Variants in MACF1 observed in about 807,000 individuals in gnomAD.
MACF1 encodes microtubule actin crosslinking factor 1.
A neutral mutation model predicts 854.8 loss-of-function variants in MACF1; 193 were observed. That is an observed-to-expected ratio of 0.23 (90% CI 0.20 to 0.25). MACF1 has a LOEUF of 0.25. MACF1 is among the 10% of genes least tolerant of loss of function. The probability of loss-of-function intolerance (pLI) is 1.00; values close to 1 mark genes in which losing one functional copy is unlikely to be tolerated. For missense variants in MACF1, 7,722 were observed against 8,929.1 expected, an observed-to-expected ratio of 0.86 and a Z score of 5.45; for synonymous variants, 3,185 against 3,226.7, an observed-to-expected ratio of 0.99 and a Z score of 0.44.
At chr1:39,244,988 C>G (rs189383383) in intron 2 of MACF1, among the ~76,000 whole-genome samples, 1 of 152,290 alleles carries the variant, frequency 6.6e-6, no homozygotes, top group Admixed American at 6.5e-5. Context: ...GATGGGATTA[C>G]AGGCATGAGC....
chr1:39,317,601 C>A (rs1460958834), intron 29 of MACF1, among the ~76,000 whole-genome samples, 194 bp downstream of exon 29: 2 of 152,176 alleles, frequency 1.3e-5, no homozygotes, highest in African/African-American at 4.8e-5. Flanking sequence ...AGATGTAATG[C>A]CTCTCCTGTG....
chr1:39,286,956 T>TTTATTA (rs1557564527), intron 14 of MACF1, among the ~76,000 whole-genome samples: 2 of 151,752 alleles, frequency 1.3e-5, no homozygotes, highest in Non-Finnish European at 2.9e-5. Context: ...CATTTTTATT[T>TTTATTA]TTATTTTTAT....
At chr1:39,306,407 C>T (rs779274050) in intron 23 of MACF1, among the ~76,000 whole-genome samples, 5 of 151,952 alleles carry the variant, frequency 3.3e-5, no homozygotes, top group East Asian at 1.9e-4. Flanking sequence ...GGATTACAGG[C>T]GTGAGCCACT....
In MACF1 at chr1:39,335,943, G is replaced by A. The variant is rs1472262308; in HGVS notation, c.9355G>A (p.Gly3119Arg). 1 of 1,613,960 alleles carries A rather than the reference G, an allele frequency of 6.2e-7. No homozygotes were observed. Among genetic ancestry groups the A allele is most frequent in the Non-Finnish European group, 8.5e-7 (1 of 1,180,016 alleles). Residue 3119 changes from glycine to arginine, a missense_variant, in exon 37 of 101, where the codon GGA (glycine) becomes AGA (arginine). Physicochemically the swap from Gly to Arg is moderately radical, Grantham distance 125. Transcript: ENST00000564288. Reference sequence around the variant, plus strand: ...AGGATTGCACTACCAGGAATCAGATGGAAAAGCCCAAGTGACAGGCCCATC... The same window carrying A: ...AGGATTGCACTACCAGGAATCAGATAGAAAAGCCCAAGTGACAGGCCCATC... ...PEGLHYQESD[G>R]KAQVTGPSQI...
Position 39,461,884 on chromosome 1 carries a change from G to A in MACF1, c.21525G>A (p.Lys7175=), listed in dbSNP as rs1198417183. Reference sequence around the variant, plus strand: ...CAAAATATGATTCCTTTTCTCCAGAGTTCCCCACCACCAAGTTAGAGATGA... The same window carrying A: ...CAAAATATGATTCCTTTTCTCCAGAATTCCCCACCACCAAGTTAGAGATGA... The part of the protein sequence containing the change: ...QEFIDGILAS[K]FPTTKLEMTA... Residue 7175 remains lysine (K), a splice_region_variant and synonymous_variant, in exon 93 of 101, where the codon AAG becomes AAA. Transcript: ENST00000564288. 1.2e-6 allele frequency: 2 copies of A among 1,605,898 alleles called. No individual in the cohort carries two copies. The highest frequency in any genetic ancestry group is 2.2e-5 in the South Asian group (2 of 90,668).
intron 2 of MACF1, chr1:39,102,695 TCCA>T: frequency 1.4e-6 from 1 of 693,864 alleles, no homozygotes; most frequent in Non-Finnish European, 2.6e-6. Flanking sequence ...ACTCTTCTCT[TCCA>T]CTAGATGCCC....
chr1:39,194,341 CTTTTCTTTTCT>C (rs751675188), intron 2 of MACF1, among the ~76,000 whole-genome samples: 1,970 of 69,944 alleles, frequency 0.028, 28 homozygotes, highest in African/African-American at 0.098. Context: ...CTTTTCTTTT[CTTTTCTTTTCT>C]TTTTTTTTTT....
intron 2 of MACF1, among the ~76,000 whole-genome samples, chr1:39,139,182 T>C (rs903181663): frequency 6.2e-4 from 94 of 152,298 alleles, no homozygotes; most frequent in African/African-American, 2.2e-3. Flanking sequence ...TAATCAACTG[T>C]CTCGTCATTT....
chr1:39,124,322 G>A (rs1642807000), intron 2 of MACF1, among the ~76,000 whole-genome samples: 1 of 152,146 alleles, frequency 6.6e-6, no homozygotes, highest in Non-Finnish European at 1.5e-5. Context: ...CTTACTACCT[G>A]TGTGACTTTA....
At chr1:39,472,243 T>G (rs1004040011) in intron 97 of MACF1, among the ~76,000 whole-genome samples, 1 of 152,226 alleles carries the variant, frequency 6.6e-6, no homozygotes, top group African/African-American at 2.4e-5. Context: ...TTGGGAAATA[T>G]TTGAATCAAT....
chr1:39,331,474 G>A lies in MACF1; in HGVS notation c.4886G>A (p.Arg1629Lys), dbSNP rs1403224783. The A allele has an allele frequency of 6.2e-7, 1 of 1,614,046 alleles. No individual in the cohort carries two copies. The highest frequency in any genetic ancestry group is 1.3e-5 in the African/African-American group (1 of 74,932). ...LALISRLTES[R>K]GPLSVVEAIE... ...TTAATAAGCAGGCTTACTGAGAGCAGAGGCCCTCTTTCTGTGGTGGAAGCA... is the reference window on the plus strand; with the variant it reads ...TTAATAAGCAGGCTTACTGAGAGCAAAGGCCCTCTTTCTGTGGTGGAAGCA... The change falls in exon 37 of 101, where the codon AGA (arginine) becomes AAA (lysine). Residue 1629 changes from arginine to lysine, a missense_variant. Physicochemically the swap from Arg to Lys is conservative, Grantham distance 26 (BLOSUM62 2). Around this residue, in one of 15 missense-constraint regions of MACF1, gnomAD observed 1,531 missense variants for 1,601.6 expected, o/e 0.96. Coordinates refer to ENST00000564288, the MANE Select transcript of MACF1 (RefSeq NM_001394062.1).
intron 93 of MACF1, 54 bp downstream of exon 93, chr1:39,462,091 C>A: frequency 1.3e-6 from 2 of 1,577,610 alleles, no homozygotes; most frequent in South Asian, 1.1e-5. Context: ...TTTGTAATAT[C>A]CTGAATTTGG....
At chr1:39,349,741 T>A (rs1030208143) in intron 42 of MACF1, 114 bp downstream of exon 42, 1 of 1,117,112 alleles carries the variant, frequency 9.0e-7, no homozygotes, top group Non-Finnish European at 1.2e-6. Context: ...CAGGCAATCC[T>A]CCCACCTCAG....
intron 2 of MACF1, among the ~76,000 whole-genome samples, chr1:39,162,758 T>C (rs1226504678): frequency 6.6e-6 from 1 of 152,184 alleles, no homozygotes; most frequent in East Asian, 1.9e-4. Flanking sequence ...AGATAGTGAA[T>C]ATAACATCTG....
At chr1:39,225,378 G>A (rs1367241035) in intron 1 of MACF1, among the ~76,000 whole-genome samples, 7 of 150,726 alleles carry the variant, frequency 4.6e-5, no homozygotes, top group African/African-American at 1.7e-4. Context: ...CACCGCGCCC[G>A]GCTAATTTTT....
intron 6 of MACF1, among the ~76,000 whole-genome samples, chr1:39,278,754 A>G (rs957529346): frequency 9.2e-5 from 14 of 152,168 alleles, no homozygotes; most frequent in Admixed American, 9.2e-4. Context: ...ACTGAAATAG[A>G]ATTGGTACTA....
chr1:39,231,131 C>A, intron 1 of MACF1, 51 bp from the exon 2 acceptor site: 1 of 1,430,016 alleles, frequency 7.0e-7, no homozygotes, highest in Non-Finnish European at 9.9e-7. Context: ...GCGTGGGAAC[C>A]TGTTACCTGG....
intron 97 of MACF1, among the ~76,000 whole-genome samples, chr1:39,472,171 G>C (rs1557672058): frequency 6.6e-6 from 1 of 152,146 alleles, no homozygotes; most frequent in Non-Finnish European, 1.5e-5. Flanking sequence ...TCCTATCACA[G>C]TAGTCAACCA....
chr1:39,187,539 T>C (rs886302179), intron 2 of MACF1, among the ~76,000 whole-genome samples: 5 of 152,168 alleles, frequency 3.3e-5, no homozygotes, highest in Non-Finnish European at 7.3e-5. Context: ...TATTTCATGA[T>C]GTACTCCATT....
Sources: allele counts gnomAD v4.1 joint callset (sites outside exome capture counted in the v4.1 genomes callset), GRCh38; gene constraint gnomAD v4.1.1; regional missense constraint gnomAD v4.1.1; transcripts MANE v1.5; gene names NCBI Gene and HGNC (gene_info 2026-07-23, HGNC 2026-07-21).